The following DOK5 variants were observed in gnomAD, a reference collection of about 807,000 sequenced individuals.
DOK5 encodes docking protein 5, also known as downstream of tyrosine kinase 5.
Under a neutral mutation model 43.3 loss-of-function variants are expected in DOK5, and 27 were observed. The observed-to-expected ratio is 0.62, with a 90% CI of 0.46 to 0.86. The LOEUF (loss-of-function observed/expected upper bound fraction) is 0.86. DOK5 is among the 40% of genes least tolerant of loss of function. DOK5 has a pLI of 0.00. For synonymous variants in DOK5, 146 were observed against 140.1 expected, an observed-to-expected ratio of 1.04 and a Z score of -0.30; for missense variants, 373 against 392.9, an observed-to-expected ratio of 0.95 and a Z score of 0.43.
chr20:54,636,880 C>T (rs577981522), intron 6 of DOK5, among the ~76,000 whole-genome samples: 3 of 152,128 alleles, frequency 2.0e-5, no homozygotes, highest in East Asian at 1.9e-4. Flanking sequence ...AAAACAGTCA[C>T]GAGACAATTA....
At chr20:54,641,066 CTTA>C (rs1979090375) in intron 6 of DOK5, among the ~76,000 whole-genome samples, 1 of 152,100 alleles carries the variant, frequency 6.6e-6, no homozygotes, top group Non-Finnish European at 1.5e-5. Context: ...AATATGCATA[CTTA>C]TTATTTGTCC....
chr20:54,509,961 G>A (rs147559911), intron 1 of DOK5, among the ~76,000 whole-genome samples: 1 of 150,220 alleles, frequency 6.7e-6, no homozygotes, highest in East Asian at 2.0e-4. Flanking sequence ...GGGGTGGGGG[G>A]ATGGGGGGAG....
intron 1 of DOK5, among the ~76,000 whole-genome samples, chr20:54,491,263 T>C (rs930674670): frequency 3.9e-5 from 6 of 152,266 alleles, no homozygotes; most frequent in African/African-American, 1.4e-4. Flanking sequence ...TAGAATAGTA[T>C]CTGAGCACAC....
At chr20:54,642,758 C>T (rs1427592545) in intron 6 of DOK5, among the ~76,000 whole-genome samples, 1 of 151,884 alleles carries the variant, frequency 6.6e-6, no homozygotes, top group African/African-American at 2.4e-5. Context: ...AGAAAAACCC[C>T]AAACTGAAAA....
At chr20:54,560,200 C>T (rs1457032519) in intron 2 of DOK5, among the ~76,000 whole-genome samples, 1 of 152,190 alleles carries the variant, frequency 6.6e-6, no homozygotes, top group African/African-American at 2.4e-5. Context: ...AAAACATTTC[C>T]TCTTCCGATA....
intron 1 of DOK5, among the ~76,000 whole-genome samples, chr20:54,510,357 C>A (rs963386153): frequency 3.3e-5 from 5 of 151,982 alleles, no homozygotes; most frequent in African/African-American, 1.2e-4. Flanking sequence ...ATTTTAAAAA[C>A]AGCTGATTTT....
rs144455553 is a variant in DOK5, at chr20:54,637,852, G to A, written c.736-5606G>A. Among the ~76,000 whole-genome samples the A allele has an allele frequency of 3.6e-3, 553 of 152,330 alleles. 4 individuals carry two copies. Among genetic ancestry groups the A allele is most frequent in the African/African-American group, 0.012 (518 of 41,572 alleles). ...ATAATCCCTACTTTGGCCGGGCGCGGTGGCTCACGCCTGTAATCCCAGCAC... is the reference window on the plus strand; with the variant it reads ...ATAATCCCTACTTTGGCCGGGCGCGATGGCTCACGCCTGTAATCCCAGCAC... On this transcript the variant is annotated intron_variant, in intron 6 of 7. Coordinates refer to ENST00000262593, the MANE Select transcript of DOK5 (RefSeq NM_018431.5).
chr20:54,640,181 G>A (rs562602028), intron 6 of DOK5, among the ~76,000 whole-genome samples: 3 of 152,304 alleles, frequency 2.0e-5, no homozygotes, highest in East Asian at 3.9e-4. Context: ...GTGCCAAATC[G>A]ACACAGACAG....
intron 1 of DOK5, among the ~76,000 whole-genome samples, chr20:54,522,198 G>A (rs754541301): frequency 2.6e-5 from 4 of 152,156 alleles, no homozygotes; most frequent in East Asian, 1.9e-4. Context: ...CAACACTAAC[G>A]ATAGCTGATG....
Position 54,608,635 on chromosome 20 carries a change from C to A in DOK5, c.600-1753C>A, listed in dbSNP as rs372980769. On this transcript the variant is annotated intron_variant, in intron 5 of 7. Transcript: ENST00000262593. Reference sequence around the variant, plus strand: ...TCTTTAGATTAGCTTATTGAAAGAGCCTTCATGTTTTTCCCTCTATTTCTT... The same window carrying A: ...TCTTTAGATTAGCTTATTGAAAGAGACTTCATGTTTTTCCCTCTATTTCTT... Among the ~76,000 whole-genome samples the A allele has an allele frequency of 1.1e-4, 16 of 151,406 alleles. No individual in the cohort carries two copies. The South Asian group carries it at 2.3e-3, about 22-fold the overall frequency.
intron 6 of DOK5, among the ~76,000 whole-genome samples, chr20:54,627,495 C>A (rs546077146): frequency 1.3e-5 from 2 of 152,084 alleles, no homozygotes; most frequent in African/African-American, 4.8e-5. Flanking sequence ...AAAGTCAGGA[C>A]GGGAACCAAA....
At chr20:54,525,101 T>G (rs1266329152) in intron 1 of DOK5, among the ~76,000 whole-genome samples, 1 of 152,200 alleles carries the variant, frequency 6.6e-6, no homozygotes, top group Non-Finnish European at 1.5e-5. Flanking sequence ...GTGTTATTTA[T>G]AGTGGGTCTA....
At chr20:54,543,116 G>T (rs972019756) in intron 1 of DOK5, among the ~76,000 whole-genome samples, 5 of 152,132 alleles carry the variant, frequency 3.3e-5, no homozygotes, top group African/African-American at 1.2e-4. Flanking sequence ...TGTGTTAAAA[G>T]ATAATTTTCA....
Position 54,650,684 on chromosome 20 carries a change from G to A in DOK5, c.*205G>A, listed in dbSNP as rs545334495. On this transcript the variant is annotated 3_prime_UTR_variant, in exon 8 of 8. Transcript: ENST00000262593. ...TTTAAATTCTTAGTGTAATTGAAACGTGCTCTATAGATATTGACTCTGTGT... is the reference window on the plus strand; with the variant it reads ...TTTAAATTCTTAGTGTAATTGAAACATGCTCTATAGATATTGACTCTGTGT... 21 of 489,972 alleles carry A rather than the reference G, an allele frequency of 4.3e-5. No individual in the cohort carries two copies. In the East Asian group the frequency reaches 6.0e-4, roughly 14 times the overall value. 30.4% of individuals were successfully genotyped at this position (489,972 alleles called of 1,614,324 possible).
At chr20:54,616,229 A>G (rs1028489200) in intron 6 of DOK5, among the ~76,000 whole-genome samples, 3 of 152,240 alleles carry the variant, frequency 2.0e-5, no homozygotes, top group Non-Finnish European at 4.4e-5. Flanking sequence ...AGAAGGTATT[A>G]GGGCTCAAAT....
chr20:54,593,864 G>A (rs959461363), intron 5 of DOK5, among the ~76,000 whole-genome samples: 4 of 152,130 alleles, frequency 2.6e-5, no homozygotes, highest in Non-Finnish European at 5.9e-5. Flanking sequence ...TGGAGCTGGA[G>A]GCCTAATTCC....
chr20:54,506,247 A>T (rs1352141442), intron 1 of DOK5, among the ~76,000 whole-genome samples: 1 of 152,182 alleles, frequency 6.6e-6, no homozygotes, highest in Admixed American at 6.5e-5. Context: ...ATTAACTGCA[A>T]TGTGGAAGAA....
At chr20:54,543,010 G>C (rs1234939323) in intron 1 of DOK5, among the ~76,000 whole-genome samples, 1 of 151,504 alleles carries the variant, frequency 6.6e-6, no homozygotes, top group East Asian at 1.9e-4. Context: ...CATAGAGTAA[G>C]TAGCTTAGAG....
chr20:54,537,373 T>A (rs1381068084), intron 1 of DOK5, among the ~76,000 whole-genome samples: 3 of 152,110 alleles, frequency 2.0e-5, no homozygotes, highest in Non-Finnish European at 4.4e-5. Flanking sequence ...AAACAATGAA[T>A]GCCAACACAG....
Sources: allele counts gnomAD v4.1 joint callset (sites outside exome capture counted in the v4.1 genomes callset), GRCh38; gene constraint gnomAD v4.1.1; transcripts MANE v1.5; gene names NCBI Gene and HGNC (gene_info 2026-07-23, HGNC 2026-07-21).